PKHD1: variants seen among roughly 807,000 people sequenced by gnomAD.
PKHD1 encodes fibrocystin.
PKHD1 carries 291 observed loss-of-function variants against 412.0 expected under a neutral mutation model. The observed-to-expected ratio is 0.71, with a 90% CI of 0.64 to 0.78. PKHD1 has a LOEUF of 0.78. Ranked by LOEUF, PKHD1 falls within the 30% of genes least tolerant of loss-of-function variation. PKHD1 has a pLI of 0.00. For synonymous variants in PKHD1, 1,777 were observed against 1,821.5 expected, an observed-to-expected ratio of 0.98 and a Z score of 0.62; for missense variants, 4,825 against 4,950.7, an observed-to-expected ratio of 0.97 and a Z score of 0.76.
intron 35 of PKHD1, among the ~76,000 whole-genome samples, chr6:51,970,767 T>G (rs948911019): frequency 2.8e-4 from 43 of 152,216 alleles, no homozygotes; most frequent in African/African-American, 1.0e-3. Flanking sequence ...TGTAGACATG[T>G]GACTTTATTT....
chr6:52,062,596 G>A lies in PKHD1; in HGVS notation c.1041C>T (p.Thr347=). 6.2e-7 allele frequency: 1 copy of A among 1,614,088 alleles called. No homozygotes were observed. ...AVEGLELTEA[T]PGYRWQIVPN... ...GGACAATCTGCCACCTGTACCCTGG[G>A]GTGGCTTCAGTCAGTTCCAGTCCCT... The change falls in exon 14 of 67, where the codon ACC becomes ACT. Residue 347 remains threonine, a synonymous_variant. Coordinates refer to ENST00000371117, the MANE Select transcript of PKHD1 (RefSeq NM_138694.4).
In PKHD1 at chr6:51,957,762, C is replaced by T. The variant is rs118015930; in HGVS notation, c.5908+2108G>A. Among the ~76,000 whole-genome samples the T allele has an allele frequency of 3.9e-5, 6 of 152,082 alleles. No individual in the cohort carries two copies. In the East Asian group the frequency reaches 7.7e-4, roughly 20 times the overall value. On this transcript the variant is annotated intron_variant, in intron 36 of 66. Transcript: ENST00000371117. The stretch of plus-strand genomic sequence containing the variant: ...GTGTATATGTTAATATCTATGTGAT[C>T]GCAATATGTCTCAGACACAAATGAT...
chr6:51,775,853 A>G lies in PKHD1; in HGVS notation c.8509T>C (p.Phe2837Leu). ...LILLRASEGV[F>L]CDRMNGIHID... ...TGAATTCCATTCATACGGTCACAAA[A>G]GACTCCCTCTGAGGCTCTAAGGAGA... Residue 2837 changes from phenylalanine to leucine, a missense_variant, in exon 54 of 67, where the codon TTT becomes CTT. Transcript: ENST00000371117. 1 of 1,599,028 alleles carries G rather than the reference A, an allele frequency of 6.3e-7. No homozygotes were observed. The highest frequency in any genetic ancestry group is 8.6e-7 in the Non-Finnish European group (1 of 1,167,182).
intron 60 of PKHD1, among the ~76,000 whole-genome samples, chr6:51,737,264 C>T (rs1783972830): frequency 6.6e-6 from 1 of 152,110 alleles, no homozygotes; most frequent in South Asian, 2.1e-4. Context: ...GTGGGAAAAG[C>T]TTATCGTGAG....
chr6:52,004,801 G>T (rs909196097), intron 35 of PKHD1, among the ~76,000 whole-genome samples: 1 of 152,118 alleles, frequency 6.6e-6, no homozygotes, highest in African/African-American at 2.4e-5. Flanking sequence ...TAATCAGTCA[G>T]CATTTGAAAT....
intron 52 of PKHD1, among the ~76,000 whole-genome samples, chr6:51,794,047 CTT>C (rs58801569): frequency 0.022 from 2,730 of 123,994 alleles, 23 homozygotes; most frequent in Non-Finnish European, 0.027. Context: ...TGCTTTTTGA[CTT>C]TTTTTTTTTT....
chr6:51,673,288 G>A (rs1422377013), intron 60 of PKHD1, among the ~76,000 whole-genome samples: 1 of 152,176 alleles, frequency 6.6e-6, no homozygotes, highest in East Asian at 1.9e-4. Context: ...AGCAAAATAT[G>A]TATCCATAAC....
intron 65 of PKHD1, among the ~76,000 whole-genome samples, chr6:51,627,613 A>G (rs184881190): frequency 1.1e-4 from 16 of 152,210 alleles, no homozygotes; most frequent in African/African-American, 3.9e-4. Context: ...TTAATTTTGA[A>G]ATGAGTATTG....
At chr6:52,054,846 A>C (rs754520031) in intron 19 of PKHD1, among the ~76,000 whole-genome samples, 2 of 152,162 alleles carry the variant, frequency 1.3e-5, no homozygotes, top group African/African-American at 4.8e-5. Context: ...CCTGCAGAAG[A>C]GATGAGGCTG....
chr6:52,071,307 T>C (rs1413015029), intron 8 of PKHD1, among the ~76,000 whole-genome samples: 1 of 151,704 alleles, frequency 6.6e-6, no homozygotes, highest in Non-Finnish European at 1.5e-5. Flanking sequence ...TAACTAGTAC[T>C]ACCTTAAGCA....
intron 64 of PKHD1, among the ~76,000 whole-genome samples, chr6:51,637,714 G>GC (rs750019113): frequency 6.6e-6 from 1 of 152,134 alleles, no homozygotes; most frequent in African/African-American, 2.4e-5. Flanking sequence ...GACCAGCCTG[G>GC]CCAACATGGT....
chr6:51,802,390 G>A (rs1763065652), intron 52 of PKHD1, among the ~76,000 whole-genome samples: 1 of 151,646 alleles, frequency 6.6e-6, no homozygotes, highest in Admixed American at 6.6e-5. Flanking sequence ...TGTATACATT[G>A]TTAATGAATT....
chr6:51,641,735 C>T (rs965886564), intron 63 of PKHD1, among the ~76,000 whole-genome samples: 2 of 152,144 alleles, frequency 1.3e-5, no homozygotes, highest in African/African-American at 2.4e-5. Context: ...AGTTAATGTC[C>T]TTTGCAGGGA....
chr6:51,704,771 G>T (rs1332241333), intron 60 of PKHD1, among the ~76,000 whole-genome samples: 1 of 152,072 alleles, frequency 6.6e-6, no homozygotes, highest in Non-Finnish European at 1.5e-5. Context: ...AGATCTGGAG[G>T]TAGTGGATGA....
In PKHD1 at chr6:52,010,368, T is replaced by A. The variant is rs756825030; in HGVS notation, c.5692A>T (p.Asn1898Tyr). Residue 1898 changes from asparagine (N) to tyrosine (Y), a missense_variant, in exon 35 of 67, where the codon AAT (asparagine) becomes TAT (tyrosine). Coordinates refer to ENST00000371117, the MANE Select transcript of PKHD1 (RefSeq NM_138694.4). ...TEAEMECETPNQPITVKITEI... is the reference protein window; with the variant it reads ...TEAEMECETPYQPITVKITEI... The stretch of plus-strand genomic sequence containing the variant: ...GTAATCTTGACGGTAATTGGCTGAT[T>A]GGGCGTCTCACACTCCATCTCTGCC... The A allele has an allele frequency of 1.2e-6, 2 of 1,613,538 alleles. No individual in the cohort carries two copies.
chr6:51,868,251 TG>T, intron 47 of PKHD1, 142 bp from the exon 48 acceptor site: 1 of 789,928 alleles, frequency 1.3e-6, no homozygotes, highest in Non-Finnish European at 2.1e-6. Flanking sequence ...AAGTGTTTTC[TG>T]TGGGTGTTTT....
chr6:51,863,794 C>T (rs1774599246), intron 48 of PKHD1, among the ~76,000 whole-genome samples: 2 of 152,116 alleles, frequency 1.3e-5, no homozygotes, highest in South Asian at 4.1e-4. Context: ...TGAACATGTC[C>T]TAGGAGAGAA....
intron 35 of PKHD1, among the ~76,000 whole-genome samples, chr6:51,995,587 C>G (rs1191530273): frequency 6.6e-6 from 1 of 152,154 alleles, no homozygotes; most frequent in Non-Finnish European, 1.5e-5. Context: ...CTTTTAGGCC[C>G]TAATAAAATG....
intron 36 of PKHD1, among the ~76,000 whole-genome samples, chr6:51,942,198 C>G (rs1343228380): frequency 6.6e-6 from 1 of 151,594 alleles, no homozygotes; most frequent in Non-Finnish European, 1.5e-5. Flanking sequence ...ACTGCCCCAA[C>G]CTTAGCTCTC....
Sources: allele counts gnomAD v4.1 joint callset (sites outside exome capture counted in the v4.1 genomes callset), GRCh38; gene constraint gnomAD v4.1.1; transcripts MANE v1.5; gene names NCBI Gene and HGNC (gene_info 2026-07-23, HGNC 2026-07-21).